Variants in SV2C observed in about 807,000 individuals in gnomAD.
The protein encoded by SV2C is synaptic vesicle glycoprotein 2C.
In SV2C, 49 loss-of-function variants were observed where a neutral mutation model predicts 79.7. The observed-to-expected ratio is 0.61, with a 90% CI of 0.49 to 0.78. SV2C has a LOEUF of 0.78. Among genes scored for constraint, SV2C ranks in the 30% least tolerant of loss-of-function variants. The pLI is 0.00. For synonymous variants in SV2C, 334 were observed against 333.2 expected (o/e 1.00, Z -0.03); for missense variants, 833 against 912.9 (o/e 0.91, Z 1.13).
the SV2C span, among the ~76,000 whole-genome samples, chr5:76,026,201 A>AACACACACACACACACACACACAC: frequency 7.1e-6 from 1 of 140,034 alleles, no homozygotes; most frequent in Non-Finnish European, 1.5e-5. Flanking sequence ...CAAATTTACA[A>AACACACACACACACACACACACAC]ACACACACAC....
At chr5:76,115,802 A>G (rs1431965345) in intron 1 of SV2C, among the ~76,000 whole-genome samples, 1 of 152,128 alleles carries the variant, frequency 6.6e-6, no homozygotes, top group African/African-American at 2.4e-5. Flanking sequence ...TAGAAAACCC[A>G]AGGCCCTTAC....
intron 2 of SV2C, among the ~76,000 whole-genome samples, chr5:76,166,955 G>A (rs1009315659): frequency 6.6e-6 from 1 of 152,182 alleles, no homozygotes; most frequent in Non-Finnish European, 1.5e-5. Flanking sequence ...CTTGACATGG[G>A]TAGAGAAGAA....
chr5:76,050,036 T>C, the SV2C span, among the ~76,000 whole-genome samples: 1 of 152,186 alleles, frequency 6.6e-6, no homozygotes, highest in African/African-American at 2.4e-5. Context: ...ATGCTTTGAA[T>C]TCCTCATTTG....
intron 1 of SV2C, among the ~76,000 whole-genome samples, chr5:76,105,093 G>A (rs892094071): frequency 3.3e-4 from 51 of 152,294 alleles, no homozygotes; most frequent in Admixed American, 1.9e-3. Context: ...AAGGTGGGCC[G>A]TAAATCCAAG....
the SV2C span, among the ~76,000 whole-genome samples, chr5:75,956,961 C>G: frequency 1.3e-5 from 2 of 152,078 alleles, no homozygotes; most frequent in East Asian, 3.9e-4. Flanking sequence ...CTCTCCTCCT[C>G]CCTATTACAG....
intron 1 of SV2C, among the ~76,000 whole-genome samples, chr5:76,101,569 TA>T (rs1232767078): frequency 6.6e-6 from 1 of 151,938 alleles, no homozygotes; most frequent in Admixed American, 6.6e-5. Context: ...AATTAGCAAA[TA>T]AAAATGAAAC....
intron 4 of SV2C, among the ~76,000 whole-genome samples, chr5:76,276,303 C>T (rs1338203576): frequency 6.6e-6 from 1 of 152,192 alleles, no homozygotes; most frequent in Non-Finnish European, 1.5e-5. Flanking sequence ...TCTTGAGGCC[C>T]TCATGGTGTC....
the SV2C span, among the ~76,000 whole-genome samples, chr5:76,078,382 C>G: frequency 6.6e-6 from 1 of 152,228 alleles, no homozygotes; most frequent in Admixed American, 6.5e-5. Flanking sequence ...GAGGCATAGT[C>G]AGAGGGTTTC....
Position 76,330,270 on chromosome 5 carries a change from A to T in SV2C, c.*4723A>T, listed in dbSNP as rs1749138210. On this transcript the variant is annotated 3_prime_UTR_variant, in exon 13 of 13. Transcript: ENST00000502798. ...CTTAAACAATATCTAAATGCAGTTT[A>T]GTAATCCCAGGATTTTGAGTTACAA... is the stretch of plus-strand genomic sequence containing the variant. 1 of 152,214 alleles carries T rather than the reference A, an allele frequency of 6.6e-6. No individual in the cohort carries two copies. Among genetic ancestry groups the T allele is most frequent in the Non-Finnish European group, 1.5e-5 (1 of 68,042 alleles). 9.4% of individuals were successfully genotyped at this position (152,214 alleles called of 1,614,324 possible). A position where few individuals can be genotyped will look rare whatever the true frequency, so the allele number is the denominator to read the frequency against.
intron 1 of SV2C, among the ~76,000 whole-genome samples, chr5:76,106,470 A>G (rs1747922346): frequency 6.6e-6 from 1 of 152,144 alleles, no homozygotes; most frequent in African/African-American, 2.4e-5. Flanking sequence ...TCCTCTGCAT[A>G]CTCACAGTAA....
chr5:76,146,797 T>TAAAA (rs34569063), intron 2 of SV2C, among the ~76,000 whole-genome samples: 877 of 39,294 alleles, frequency 0.022, 47 homozygotes, highest in East Asian at 0.11. Flanking sequence ...AGTTTTTTTT[T>TAAAA]AAAAAAAAAA....
the SV2C span, among the ~76,000 whole-genome samples, chr5:75,927,881 G>T: frequency 1.3e-5 from 2 of 152,116 alleles, no homozygotes; most frequent in Non-Finnish European, 2.9e-5. Flanking sequence ...AGAGAGCAAG[G>T]GAAGGAACCC....
In SV2C at chr5:76,132,297, C is replaced by T. The variant is rs1179151680; in HGVS notation, c.547C>T (p.Leu183Phe). ...CGTGTTACCCAGTGCTGAGACAGAC[C>T]TCTGCATCCCAAATTCAGGATCTGG... ...GFVLPSAETD[L>F]CIPNSGSGWL... Residue 183 changes from leucine to phenylalanine, a missense_variant, in exon 2 of 13, where the codon CTC becomes TTC. By Grantham distance (22) the Leu-to-Phe change is conservative (BLOSUM62 0). Transcript: ENST00000502798. 6.2e-7 allele frequency: 1 copy of T among 1,612,274 alleles called. No individual in the cohort carries two copies. The highest frequency in any genetic ancestry group is 8.5e-7 in the Non-Finnish European group (1 of 1,178,846).
At chr5:76,047,833 G>A in the SV2C span, among the ~76,000 whole-genome samples, 3 of 145,500 alleles carry the variant, frequency 2.1e-5, no homozygotes, top group Non-Finnish European at 4.5e-5. Context: ...TGGCGCGATC[G>A]CAGCTCACTG....
rs1466653211 is a variant in SV2C at position 76,232,981 on chromosome 5, C to T, written c.913+23094C>T. On this transcript the variant is annotated intron_variant, in intron 4 of 12. Transcript: ENST00000502798. ...TTTTTTCCAATTCTGTGAAGAAAGTCATTGGTAGCTTGATGGGGATGGCAT... is the reference window on the plus strand; with the variant it reads ...TTTTTTCCAATTCTGTGAAGAAAGTTATTGGTAGCTTGATGGGGATGGCAT... 2.1e-5 allele frequency among the ~76,000 whole-genome samples: 3 copies of T among 140,598 alleles called. 1 individual carries two copies. The highest frequency in any genetic ancestry group is 9.5e-5 in the African/African-American group (3 of 31,686). 92.2% of individuals were successfully genotyped at this position (140,598 alleles called of 152,430 possible).
the SV2C span, among the ~76,000 whole-genome samples, chr5:75,942,594 C>T: frequency 6.6e-6 from 1 of 152,116 alleles, no homozygotes; most frequent in Non-Finnish European, 1.5e-5. Flanking sequence ...GCTATTGTTC[C>T]TTTGGCCTTT....
At chr5:76,053,359 A>C in the SV2C span, among the ~76,000 whole-genome samples, 3 of 152,220 alleles carry the variant, frequency 2.0e-5, no homozygotes, top group Non-Finnish European at 4.4e-5. Context: ...TTTTTAGTCC[A>C]GAACGTGTGA....
intron 2 of SV2C, among the ~76,000 whole-genome samples, chr5:76,165,951 G>C (rs10077108): frequency 0.35 from 53,317 of 151,572 alleles, 9,510 homozygotes; most frequent in East Asian, 0.45. Context: ...AACTGCAGCA[G>C]AGGCATGCCC....
Position 76,326,838 on chromosome 5 carries a change from C to G in SV2C, c.*1291C>G, listed in dbSNP as rs1320241844. The stretch of plus-strand genomic sequence containing the variant: ...GTCAGCCAGGACATTCCCACGGGCC[C>G]GCTGTCAGCTACATGACCTTCTCGC... On this transcript the variant is annotated 3_prime_UTR_variant, in exon 13 of 13. Transcript: ENST00000502798. The G allele has an allele frequency of 6.6e-6, 1 of 152,316 alleles. No individual in the cohort carries two copies. Among genetic ancestry groups the G allele is most frequent in the African/African-American group, 2.4e-5 (1 of 41,452 alleles). The allele number at this position is 152,316 out of a possible 1,614,324, so 9.4% of individuals were successfully genotyped here.
Sources: gnomAD v4.1 joint callset for allele counts (sites outside exome capture counted in the v4.1 genomes callset) on GRCh38, gnomAD v4.1.1 for gene constraint, MANE v1.5 for transcripts, NCBI Gene and HGNC (gene_info 2026-07-23, HGNC 2026-07-21) for gene names.